The following CCDC180 variants were observed in gnomAD, a reference collection of about 807,000 sequenced individuals.
The protein encoded by CCDC180 is coiled-coil domain-containing protein 180.
Under a neutral mutation model 209.2 loss-of-function variants are expected in CCDC180, and 154 were observed. The ratio of observed to expected loss-of-function variants is 0.74; its 90% CI spans 0.65 to 0.84. CCDC180 has a LOEUF of 0.84. CCDC180 is among the 40% of genes least tolerant of loss of function. The pLI, the probability that CCDC180 is intolerant of heterozygous loss-of-function variation, is 0.00. For synonymous variants in CCDC180, 778 were observed against 749.1 expected, an observed-to-expected ratio of 1.04 and a Z score of -0.63; for missense variants, 1,874 against 1,997.3, an observed-to-expected ratio of 0.94 and a Z score of 1.18.
At chr9:97,360,148 C>G in intron 26 of CCDC180, 47 bp downstream of exon 26, 1 of 1,600,972 alleles carries the variant, frequency 6.2e-7, no homozygotes, top group Non-Finnish European at 8.5e-7. Flanking sequence ...GAGCTGTTGT[C>G]TGGGCTCCCA....
chr9:97,365,094 G>A (rs1826881149), intron 29 of CCDC180: 1 of 152,404 alleles, frequency 6.6e-6, no homozygotes, highest in Admixed American at 6.5e-5. Flanking sequence ...CCTTTTATAA[G>A]GTGTTTATAG....
At chr9:97,317,601 T>C (rs1019085471) in intron 9 of CCDC180, among the ~76,000 whole-genome samples, 2 of 152,182 alleles carry the variant, frequency 1.3e-5, no homozygotes, top group African/African-American at 4.8e-5. Context: ...CATAACCCTG[T>C]GGACACTGGG....
chr9:97,361,625 C>T, intron 26 of CCDC180, 101 bp from the exon 27 acceptor site: 1 of 1,248,138 alleles, frequency 8.0e-7, no homozygotes, highest in Non-Finnish European at 1.1e-6. Context: ...CCTGCAGCCA[C>T]TCCACTGAGG....
At chr9:97,307,416 T>G (rs955247673), upstream of CCDC180, 6 of 571,492 alleles carry the variant, frequency 1.0e-5, no homozygotes, top group Non-Finnish European at 2.0e-5. Context: ...ACGCAAGGCC[T>G]CCCTCCAATC....
At position 97,377,055 on chromosome 9, in the gene CCDC180, C is replaced by T; in HGVS notation, c.*161C>T. On this transcript the variant is annotated 3_prime_UTR_variant, in exon 37 of 37. Coordinates refer to ENST00000529487, the MANE Select transcript of CCDC180 (RefSeq NM_020893.6). The stretch of plus-strand genomic sequence containing the variant: ...ACCAGCGAACAGGACACAGCATGGT[C>T]CCTGCCCACGTGGAGCCCTCTTCCC... The T allele has an allele frequency of 1.5e-6, 1 of 685,436 alleles. No individual in the cohort carries two copies. Among genetic ancestry groups the T allele is most frequent in the Admixed American group, 3.5e-5 (1 of 28,218 alleles). 42.5% of individuals were successfully genotyped at this position (685,436 alleles called of 1,614,324 possible).
At chr9:97,321,224 T>A (rs949344489) in intron 11 of CCDC180, among the ~76,000 whole-genome samples, 1 of 152,252 alleles carries the variant, frequency 6.6e-6, no homozygotes, top group Non-Finnish European at 1.5e-5. Context: ...CTGAAGATAT[T>A]TTCAGCTTAT....
Position 97,375,801 on chromosome 9 carries a change from A to G in CCDC180, c.4842+212A>G, listed in dbSNP as rs1587841397. On this transcript the variant is annotated intron_variant, in intron 36 of 36. Transcript: ENST00000529487. ...AATGTGGGTCTGAGGCGTGATCCCAATGCTGTGGGAGCCCAGCTGAGGGAC... is the reference window on the plus strand; with the variant it reads ...AATGTGGGTCTGAGGCGTGATCCCAGTGCTGTGGGAGCCCAGCTGAGGGAC... 6.7e-6 allele frequency: 4 copies of G among 598,710 alleles called. No homozygotes were observed. The South Asian group carries it at 9.1e-5, about 14-fold the overall frequency. The allele number at this position is 598,710 out of a possible 1,614,324, so 37.1% of individuals were successfully genotyped here. A position where few individuals can be genotyped will look rare whatever the true frequency, so the allele number is the denominator to read the frequency against.
rs143869464 is a variant in CCDC180 at position 97,321,018 on chromosome 9, C to T, written c.1159+813C>T. Reference sequence around the variant, plus strand: ...GTGCCTGGATACGTGGTGTGATACTCCCTGGCAATGCTGGGCAACGGTGAC... The same window carrying T: ...GTGCCTGGATACGTGGTGTGATACTTCCTGGCAATGCTGGGCAACGGTGAC... On this transcript the variant is annotated intron_variant, in intron 11 of 36. Coordinates refer to ENST00000529487, the MANE Select transcript of CCDC180 (RefSeq NM_020893.6). Among the ~76,000 whole-genome samples the T allele has an allele frequency of 2.4e-3, 363 of 152,258 alleles. 8 individuals carry two copies. The South Asian group carries it at 0.027, about 11-fold the overall frequency.
chr9:97,349,107 T>A lies in CCDC180; in HGVS notation c.2675-4T>A, dbSNP rs1564166631. On this transcript the variant is annotated splice_region_variant and splice_polypyrimidine_tract_variant and intron_variant, in intron 20 of 36. Transcript: ENST00000529487. ...GGGCCCCAGCTCTCTTAATCCTTTT[T>A]CAGCCGAGCTTTTGCTTCATCAAGA... 4 of 1,534,986 alleles carry A rather than the reference T, an allele frequency of 2.6e-6. No homozygotes were observed. The highest frequency in any genetic ancestry group is 2.0e-5 in the Admixed American group (1 of 50,814).
rs767080213 is a variant in CCDC180, at chr9:97,325,165, C to T, written c.1518C>T (p.His506=). ...ELELEKRMEQ[H]RQKHSLESQV... is the part of the protein sequence containing the mutation. ...AGCTGGAGAAGAGGATGGAGCAGCACCGGCAGAAGCACAGCCTGGAGAGCC... is the reference window on the plus strand; with the variant it reads ...AGCTGGAGAAGAGGATGGAGCAGCATCGGCAGAAGCACAGCCTGGAGAGCC... The change falls in exon 14 of 37, where the codon CAC becomes CAT. Residue 506 remains histidine (H), a synonymous_variant. Coordinates refer to ENST00000529487, the MANE Select transcript of CCDC180 (RefSeq NM_020893.6). 53 of 1,605,028 alleles carry T rather than the reference C, an allele frequency of 3.3e-5. No homozygotes were observed. The highest frequency in any genetic ancestry group is 4.3e-5 in the Non-Finnish European group (50 of 1,175,802).
chr9:97,314,682 A>T lies in CCDC180; in HGVS notation c.653A>T (p.Glu218Val), dbSNP rs1457299266. 22 of 1,613,862 alleles carry T rather than the reference A, an allele frequency of 1.4e-5. No homozygotes were observed. The highest frequency in any genetic ancestry group is 5.3e-5 in the African/African-American group (4 of 74,896). Residue 218 changes from glutamate (E) to valine (V), a missense_variant, in exon 7 of 37, where the codon GAG (glutamate) becomes GTG (valine). Transcript: ENST00000529487. ...CTGCTCCGGAAGCAGGAGATTAAGGAGCTGGATGAGGCCCTGCACTCGCTG... is the reference window on the plus strand; with the variant it reads ...CTGCTCCGGAAGCAGGAGATTAAGGTGCTGGATGAGGCCCTGCACTCGCTG... ...RLLLRKQEIK[E>V]LDEALHSLEF... is the part of the protein sequence containing the mutation.
chr9:97,307,597 G>C, upstream of CCDC180: 1 of 750,304 alleles, frequency 1.3e-6, no homozygotes, highest in East Asian at 2.5e-5. Context: ...CATGGAGGGT[G>C]GATTAGGGTC....
intron 21 of CCDC180, among the ~76,000 whole-genome samples, chr9:97,349,908 C>T (rs1309243819): frequency 6.6e-6 from 1 of 152,142 alleles, no homozygotes; most frequent in Admixed American, 6.5e-5. Flanking sequence ...GTGCAGGAGC[C>T]ACCTTGCTGG....
At chr9:97,345,846 C>T (rs1321164463) in intron 19 of CCDC180, 1 of 156,226 alleles carries the variant, frequency 6.4e-6, no homozygotes, top group African/African-American at 2.4e-5. Flanking sequence ...TTTAAACTCT[C>T]TTTCAAGGTG....
Position 97,366,716 on chromosome 9 carries a change from A to G in CCDC180, c.4189+16A>G, listed in dbSNP as rs1279436087. 1.2e-6 allele frequency: 2 copies of G among 1,613,476 alleles called. No individual in the cohort carries two copies. The highest frequency in any genetic ancestry group is 3.3e-5 in the Admixed American group (2 of 59,900). ...TGCCTCATAGGTGAGTATAGGCAGC[A>G]GGAAGGCACGGGGAACAGGGCGGGG... On this transcript the variant is annotated intron_variant, in intron 31 of 36. Transcript: ENST00000529487. The surrounding 1 kb of genome is among the most constrained non-coding windows in gnomAD (Gnocchi z 4.3).
Position 97,355,024 on chromosome 9 carries a change from T to G in CCDC180, c.3264+16T>G. ...CAAGTGCCAGGTAGGATAGATTCAT[T>G]CTTCATCAAGGATCTTTATCACACA... On this transcript the variant is annotated intron_variant, in intron 24 of 36. Transcript: ENST00000529487. 2.0e-6 allele frequency: 3 copies of G among 1,535,578 alleles called. No homozygotes were observed. The highest frequency in any genetic ancestry group is 2.7e-6 in the Non-Finnish European group (3 of 1,108,860).
intron 9 of CCDC180, 27 bp from the exon 10 acceptor site, chr9:97,318,436 T>C (rs369450259): frequency 2.0e-4 from 327 of 1,611,728 alleles, no homozygotes; most frequent in Non-Finnish European, 2.7e-4. Context: ...CTCTCCCCTT[T>C]ATGGTGCCAA....
At chr9:97,351,788 C>G (rs1826427944) in intron 22 of CCDC180, among the ~76,000 whole-genome samples, 1 of 152,110 alleles carries the variant, frequency 6.6e-6, no homozygotes, top group Non-Finnish European at 1.5e-5. Context: ...AAGGAACCTC[C>G]TTTCCACCCC....
chr9:97,335,439 T>A (rs928400359), intron 18 of CCDC180, among the ~76,000 whole-genome samples: 1 of 152,206 alleles, frequency 6.6e-6, no homozygotes, highest in African/African-American at 2.4e-5. Context: ...TTTGGTTTTC[T>A]ATCCTTGCGA....
Sources: gnomAD v4.1 joint callset for allele counts (sites outside exome capture counted in the v4.1 genomes callset) on GRCh38, gnomAD v4.1.1 for gene constraint, Gnocchi (gnomAD v3.1) non-coding constraint, MANE v1.5 for transcripts, NCBI Gene and HGNC (gene_info 2026-07-23, HGNC 2026-07-21) for gene names.